Variants in NXNL2 observed in about 807,000 individuals in gnomAD.
NXNL2 encodes nucleoredoxin like 2, also known as nucleoredoxin-like protein 2.
Under a neutral mutation model 11.1 loss-of-function variants are expected in NXNL2, and 7 were observed. That is an observed-to-expected ratio of 0.63 (90% CI 0.36 to 1.18). NXNL2 has a LOEUF of 1.18. Among genes scored for constraint, NXNL2 ranks in the 50% most tolerant of loss-of-function variants. The probability of loss-of-function intolerance (pLI) is 0.02; values close to 1 mark genes in which losing one functional copy is unlikely to be tolerated. For missense variants in NXNL2, 233 were observed against 217.7 expected, an observed-to-expected ratio of 1.07 and a Z score of -0.44; for synonymous variants, 109 against 101.8, an observed-to-expected ratio of 1.07 and a Z score of -0.42.
intron 1 of NXNL2, among the ~76,000 whole-genome samples, chr9:88,560,892 AT>A (rs1830077167): frequency 6.6e-6 from 1 of 152,178 alleles, no homozygotes; most frequent in African/African-American, 2.4e-5. Flanking sequence ...GCAGAGATGG[AT>A]ATTGAGAGCA....
At chr9:88,559,516 C>T (rs1830059861) in intron 1 of NXNL2, among the ~76,000 whole-genome samples, 2 of 152,192 alleles carry the variant, frequency 1.3e-5, no homozygotes, top group Non-Finnish European at 2.9e-5. Flanking sequence ...GGCTTCCTCG[C>T]TACCAAGCAC....
At chr9:88,540,709 A>G (rs1388079638) in intron 1 of NXNL2, among the ~76,000 whole-genome samples, 1 of 152,076 alleles carries the variant, frequency 6.6e-6, no homozygotes, top group Non-Finnish European at 1.5e-5. Context: ...GTCATTGGAC[A>G]CCACAGGGAG....
At chr9:88,572,736 C>T (rs953234018) in intron 2 of NXNL2, among the ~76,000 whole-genome samples, 2 of 152,194 alleles carry the variant, frequency 1.3e-5, no homozygotes, top group Non-Finnish European at 2.9e-5. Context: ...CCATGTCACC[C>T]TAAGAGTATC....
chr9:88,573,330 G>GA (rs1198781196), intron 2 of NXNL2, among the ~76,000 whole-genome samples: 1 of 152,102 alleles, frequency 6.6e-6, no homozygotes, highest in Non-Finnish European at 1.5e-5. Context: ...TTTTTGTAGA[G>GA]AAGGCGTTTT....
downstream of NXNL2, among the ~76,000 whole-genome samples, chr9:88,546,059 G>A (rs569872790): frequency 1.9e-4 from 29 of 152,174 alleles, no homozygotes; most frequent in African/African-American, 7.0e-4. Context: ...GAGCCACCGT[G>A]CCCGGCCTAA....
intron 1 of NXNL2, among the ~76,000 whole-genome samples, chr9:88,552,078 G>A (rs1829939460): frequency 6.6e-6 from 1 of 152,124 alleles, no homozygotes; most frequent in Admixed American, 6.5e-5. Flanking sequence ...CTTCAAGGGG[G>A]CTTCTGGAGC....
chr9:88,553,599 CG>C (rs1008637936), intron 1 of NXNL2, among the ~76,000 whole-genome samples: 31 of 152,112 alleles, frequency 2.0e-4, no homozygotes, highest in Non-Finnish European at 1.5e-5. Context: ...CTCTTTCTAG[CG>C]GGTCAGGGAG....
At position 88,544,511 on chromosome 9, in the gene NXNL2, G is replaced by A. The variant is rs761046671; in HGVS notation, c.435G>A (p.Val145=). ...GGTTGGCCTGCTTCCAGGACTGGGT[G>A]GAGGCGGCCGATATCTTCCAGAATT... ...ERGLACFQDW[V]EAADIFQNFS... Residue 145 remains valine, a synonymous_variant, in exon 2 of 2, where the codon GTG becomes GTA. Coordinates refer to ENST00000375854, the MANE Select transcript of NXNL2 (RefSeq NM_001161625.2). 16 of 1,548,364 alleles carry A rather than the reference G, an allele frequency of 1.0e-5. No individual in the cohort carries two copies. The African/African-American group carries it at 2.2e-4, about 21-fold the overall frequency.
intron 1 of NXNL2, chr9:88,570,944 T>C (rs987511903): frequency 1.0e-5 from 3 of 286,730 alleles, no homozygotes; most frequent in Non-Finnish European, 1.4e-5. Context: ...GGTTTCACCA[T>C]GTTGGCCAGG....
chr9:88,577,623 A>AAGAGAGAGAGAGAGAG (rs5899044), downstream of NXNL2, among the ~76,000 whole-genome samples: 1 of 149,394 alleles, frequency 6.7e-6, no homozygotes. Flanking sequence ...TGGAGAGAGA[A>AAGAGAGAGAGAGAGAG]AGAGAGAGAG....
chr9:88,570,578 A>T lies in NXNL2; in HGVS notation c.303-509A>T, dbSNP rs954738917. Among the ~76,000 whole-genome samples, 4 of 151,754 alleles carry T rather than the reference A, an allele frequency of 2.6e-5. No homozygotes were observed. In the East Asian group the frequency reaches 7.7e-4, roughly 29 times the overall value. On this transcript the variant is annotated intron_variant, in intron 1 of 2. Coordinates refer to the NXNL2 transcript ENST00000375855. ...CCTCATTTGTAAAATGGAGATAATG[A>T]TCACACCTATCTCATAAGGCTGTTG...
In NXNL2 at chr9:88,535,462, C is replaced by T. The variant is rs907347704; in HGVS notation, c.28C>T (p.Leu10=). 1 of 1,606,664 alleles carries T rather than the reference C, an allele frequency of 6.2e-7. No homozygotes were observed. Among genetic ancestry groups the T allele is most frequent in the African/African-American group, 1.3e-5 (1 of 74,810 alleles). ...GGTTGACATTCTGGGCGAGCGGCACCTGGTGACCTGTAAGGGCGCGACGGT... is the reference window on the plus strand; with the variant it reads ...GGTTGACATTCTGGGCGAGCGGCACTTGGTGACCTGTAAGGGCGCGACGGT... MVDILGERH[L]VTCKGATVEA... The change falls in exon 1 of 2, where the codon CTG becomes TTG. Residue 10 remains leucine (L), a synonymous_variant. Coordinates refer to ENST00000375854, the MANE Select transcript of NXNL2 (RefSeq NM_001161625.2).
At chr9:88,541,365 A>T (rs1829757264) in intron 1 of NXNL2, among the ~76,000 whole-genome samples, 1 of 151,760 alleles carries the variant, frequency 6.6e-6, no homozygotes, top group Non-Finnish European at 1.5e-5. Context: ...GGTTCAAGCA[A>T]TCCTCCTGCC....
chr9:88,546,147 T>G (rs961970538), downstream of NXNL2, among the ~76,000 whole-genome samples: 4 of 116,538 alleles, frequency 3.4e-5, no homozygotes, highest in African/African-American at 5.1e-5. Flanking sequence ...AACTGAGTGT[T>G]CGTGTGTGTG....
In NXNL2 at chr9:88,544,599, C is replaced by T. The variant is rs920092510; in HGVS notation, c.*52C>T. ...ACAGGTGCTGCTTCTCCAGCACCGA[C>T]GCTGGGGCAAAGAGGAGCATGTTGG... is the stretch of plus-strand genomic sequence containing the variant. On this transcript the variant is annotated 3_prime_UTR_variant, in exon 2 of 2. Coordinates refer to ENST00000375854, the MANE Select transcript of NXNL2 (RefSeq NM_001161625.2). 3.4e-6 allele frequency: 5 copies of T among 1,462,100 alleles called. No homozygotes were observed. The highest frequency in any genetic ancestry group is 5.1e-5 in the East Asian group (2 of 39,220). The allele number at this position is 1,462,100 out of a possible 1,614,324, so 90.6% of individuals were successfully genotyped here.
chr9:88,555,293 G>A (rs1210378810), intron 1 of NXNL2, among the ~76,000 whole-genome samples: 2 of 152,182 alleles, frequency 1.3e-5, no homozygotes, highest in Non-Finnish European at 2.9e-5. Context: ...ACAAAGTGTG[G>A]ATTATTGATG....
chr9:88,542,450 G>A (rs567833306), intron 1 of NXNL2, among the ~76,000 whole-genome samples: 36 of 151,434 alleles, frequency 2.4e-4, no homozygotes, highest in African/African-American at 8.2e-4. Context: ...CACCATGCCC[G>A]GCTAATTTTT....
intron 1 of NXNL2, among the ~76,000 whole-genome samples, chr9:88,541,701 T>C (rs1017328391): frequency 3.3e-5 from 5 of 152,234 alleles, no homozygotes; most frequent in Non-Finnish European, 5.9e-5. Flanking sequence ...CTTTCTACTT[T>C]CTTTGTGTTT....
chr9:88,551,798 C>T (rs1829935932), intron 1 of NXNL2, among the ~76,000 whole-genome samples: 2 of 152,320 alleles, frequency 1.3e-5, no homozygotes, highest in South Asian at 4.1e-4. Context: ...GTCACATTTA[C>T]CAGAAAGCAT....
Sources: allele counts gnomAD v4.1 joint callset (sites outside exome capture counted in the v4.1 genomes callset), GRCh38; gene constraint gnomAD v4.1.1; transcripts MANE v1.5; gene names NCBI Gene and HGNC (gene_info 2026-07-23, HGNC 2026-07-21).